CNTNAP5: variants seen among roughly 807,000 people sequenced by gnomAD.
CNTNAP5 encodes contactin associated protein family member 5, also known as contactin-associated protein-like 5.
In CNTNAP5, 72 loss-of-function variants were observed where a neutral mutation model predicts 150.2. The ratio of observed to expected loss-of-function variants is 0.48; its 90% CI spans 0.40 to 0.58. The LOEUF (loss-of-function observed/expected upper bound fraction) is 0.58, where lower values mean the gene tolerates loss of function less well. CNTNAP5 is among the 20% of genes least tolerant of loss of function. The probability of loss-of-function intolerance (pLI) is 0.00; values close to 1 mark genes in which losing one functional copy is unlikely to be tolerated. For missense variants in CNTNAP5, 1,636 were observed against 1,626.2 expected (o/e 1.01, Z -0.10); for synonymous variants, 672 against 619.8 (o/e 1.08, Z -1.25).
intron 6 of CNTNAP5, among the ~76,000 whole-genome samples, chr2:124,449,642 C>T (rs531388389): frequency 4.5e-4 from 68 of 152,194 alleles, no homozygotes; most frequent in African/African-American, 1.6e-3. Context: ...AGGGCGTGCA[C>T]GGATGTCTTG....
intron 3 of CNTNAP5, among the ~76,000 whole-genome samples, chr2:124,406,134 A>G (rs1330363096): frequency 6.6e-6 from 1 of 152,148 alleles, no homozygotes; most frequent in Non-Finnish European, 1.5e-5. Context: ...CAAATATTTG[A>G]GGTTTTTCTA....
chr2:124,787,922 G>T (rs1351404010), intron 17 of CNTNAP5, among the ~76,000 whole-genome samples: 1 of 152,210 alleles, frequency 6.6e-6, no homozygotes, highest in African/African-American at 2.4e-5. Flanking sequence ...CTAGAATGAG[G>T]CTCAGATGAG....
At chr2:124,346,095 A>G (rs1689731043) in intron 3 of CNTNAP5, among the ~76,000 whole-genome samples, 1 of 152,238 alleles carries the variant, frequency 6.6e-6, no homozygotes, top group Non-Finnish European at 1.5e-5. Context: ...CTTTAAAAAA[A>G]TAAACTAAGG....
chr2:124,438,017 C>G (rs1286168900), intron 5 of CNTNAP5, among the ~76,000 whole-genome samples: 7 of 152,166 alleles, frequency 4.6e-5, no homozygotes. Context: ...GTCAGCTGCT[C>G]AGGATGGCAC....
chr2:124,244,845 C>T (rs1373541195), intron 3 of CNTNAP5, among the ~76,000 whole-genome samples: 1 of 152,052 alleles, frequency 6.6e-6, no homozygotes, highest in Non-Finnish European at 1.5e-5. Context: ...ATTAAATTGT[C>T]ATTCTATAAA....
intron 18 of CNTNAP5, among the ~76,000 whole-genome samples, chr2:124,796,203 T>C (rs954284876): frequency 1.3e-5 from 2 of 152,220 alleles, no homozygotes; most frequent in Admixed American, 6.5e-5. Flanking sequence ...CATTTCTAAT[T>C]ACAAAATGCT....
intron 21 of CNTNAP5, among the ~76,000 whole-genome samples, chr2:124,890,530 A>G (rs1052859871): frequency 1.3e-5 from 2 of 152,064 alleles, no homozygotes; most frequent in African/African-American, 2.4e-5. Flanking sequence ...CAAATAAACT[A>G]CTTGCACTCT....
chr2:124,369,695 C>T (rs562168027), intron 3 of CNTNAP5, among the ~76,000 whole-genome samples: 25 of 152,234 alleles, frequency 1.6e-4, no homozygotes, highest in South Asian at 8.3e-4. Flanking sequence ...GAGCTTGCTA[C>T]GGTGTTCACT....
At chr2:124,819,086 C>G (rs959858567) in intron 19 of CNTNAP5, among the ~76,000 whole-genome samples, 3 of 152,064 alleles carry the variant, frequency 2.0e-5, no homozygotes, top group Admixed American at 6.6e-5. Context: ...AGAGACCATG[C>G]CATCTCCAAA....
At chr2:124,894,276 A>G (rs1012432468) in intron 21 of CNTNAP5, among the ~76,000 whole-genome samples, 1 of 147,632 alleles carries the variant, frequency 6.8e-6, no homozygotes, top group Admixed American at 6.6e-5. Context: ...TAACTTCACA[A>G]CTTATAATTC....
intron 1 of CNTNAP5, among the ~76,000 whole-genome samples, chr2:124,122,759 GACACACACACACACACAC>G (rs66540981): frequency 1.6e-5 from 2 of 127,686 alleles, no homozygotes; most frequent in Non-Finnish European, 3.4e-5. Flanking sequence ...GGTGGTAAAA[GACACACACACACACACAC>G]ACACACACAC....
At chr2:124,065,219 C>T (rs1261549200) in intron 1 of CNTNAP5, among the ~76,000 whole-genome samples, 1 of 152,110 alleles carries the variant, frequency 6.6e-6, no homozygotes, top group Non-Finnish European at 1.5e-5. Flanking sequence ...AGAAAAACAG[C>T]AGTTACTGAA....
intron 5 of CNTNAP5, among the ~76,000 whole-genome samples, chr2:124,441,727 T>G (rs907556864): frequency 6.6e-6 from 1 of 151,988 alleles, no homozygotes; most frequent in Non-Finnish European, 1.5e-5. Flanking sequence ...TATATCCAAT[T>G]TTTAAATCAC....
At chr2:124,122,106 G>A (rs1169535198) in intron 1 of CNTNAP5, among the ~76,000 whole-genome samples, 7 of 152,108 alleles carry the variant, frequency 4.6e-5, no homozygotes, top group African/African-American at 4.8e-5. Context: ...CCAGATTCAT[G>A]GCTCGTTATG....
intron 21 of CNTNAP5, among the ~76,000 whole-genome samples, chr2:124,894,009 T>A (rs576068885): frequency 4.6e-5 from 7 of 152,252 alleles, no homozygotes; most frequent in African/African-American, 1.7e-4. Context: ...AACACATACA[T>A]CATATGTGTT....
chr2:124,772,427 C>A (rs1681222759), intron 16 of CNTNAP5, among the ~76,000 whole-genome samples: 1 of 152,168 alleles, frequency 6.6e-6, no homozygotes, highest in African/African-American at 2.4e-5. Flanking sequence ...TAAGTCTCCT[C>A]CCTGCAGGAG....
chr2:124,216,336 A>G (rs1686153639), intron 1 of CNTNAP5, among the ~76,000 whole-genome samples: 1 of 152,180 alleles, frequency 6.6e-6, no homozygotes, highest in South Asian at 2.1e-4. Context: ...TTGCATTTTA[A>G]AAATAGACTT....
rs547660358 is a variant in CNTNAP5, at chr2:124,834,872, C to A, written c.3218-30434C>A. ...AGAAGAAATAACAAATCACCTTTAA[C>A]CCCATCACTAAGATAGATAGGCTAA... On this transcript the variant is annotated intron_variant, in intron 19 of 23. Coordinates refer to ENST00000682447, the MANE Select transcript of CNTNAP5 (RefSeq NM_001367498.1). Among the ~76,000 whole-genome samples, 9 of 151,578 alleles carry A rather than the reference C, an allele frequency of 5.9e-5. No homozygotes were observed. The South Asian group carries it at 1.9e-3, about 32-fold the overall frequency.
chr2:124,358,702 T>C (rs1349868472), intron 3 of CNTNAP5, among the ~76,000 whole-genome samples: 1 of 152,232 alleles, frequency 6.6e-6, no homozygotes, highest in African/African-American at 2.4e-5. Flanking sequence ...TGGATTCATT[T>C]TCCCAGTATT....
Sources: allele counts gnomAD v4.1 joint callset (sites outside exome capture counted in the v4.1 genomes callset), GRCh38; gene constraint gnomAD v4.1.1; transcripts MANE v1.5; gene names NCBI Gene and HGNC (gene_info 2026-07-23, HGNC 2026-07-21).